Variants in TTLL5 observed in about 807,000 individuals in gnomAD.
The protein encoded by TTLL5 is tubulin tyrosine ligase like 5.
In TTLL5, 132 loss-of-function variants were observed where a neutral mutation model predicts 168.4. The ratio of observed to expected loss-of-function variants is 0.78; its 90% CI spans 0.68 to 0.91. The LOEUF (loss-of-function observed/expected upper bound fraction) is 0.91. TTLL5 is among the 40% of genes least tolerant of loss of function. The pLI is 0.00. For missense variants in TTLL5, 1,545 were observed against 1,581.5 expected, an observed-to-expected ratio of 0.98 and a Z score of 0.39; for synonymous variants, 546 against 558.6, an observed-to-expected ratio of 0.98 and a Z score of 0.32.
intron 5 of TTLL5, among the ~76,000 whole-genome samples, chr14:75,685,730 G>A (rs1884993826): frequency 1.3e-5 from 2 of 152,178 alleles, no homozygotes; most frequent in Admixed American, 1.3e-4. Flanking sequence ...GTGTATATTT[G>A]AGCACTTTCC....
chr14:75,885,058 C>A (rs1595205916), intron 30 of TTLL5, among the ~76,000 whole-genome samples: 1 of 151,538 alleles, frequency 6.6e-6, no homozygotes, highest in African/African-American at 2.4e-5. Flanking sequence ...CCGAGTGGTA[C>A]CAGCTACTCG....
intron 28 of TTLL5, chr14:75,847,809 T>G (rs1184052094): frequency 1.3e-5 from 2 of 152,064 alleles, no homozygotes; most frequent in East Asian, 3.8e-4. Flanking sequence ...ACACACAGAT[T>G]GCTGGGCCCA....
intron 27 of TTLL5, among the ~76,000 whole-genome samples, chr14:75,812,015 G>A (rs538435011): frequency 6.6e-6 from 1 of 152,216 alleles, no homozygotes; most frequent in Non-Finnish European, 1.5e-5. Flanking sequence ...TTAAACACCT[G>A]TCTAGATGGT....
intron 28 of TTLL5, among the ~76,000 whole-genome samples, chr14:75,839,933 T>C (rs933610895): frequency 6.6e-6 from 1 of 152,208 alleles, no homozygotes; most frequent in Non-Finnish European, 1.5e-5. Context: ...TTGTTGAGCT[T>C]TAGGAGTTCT....
chr14:75,830,552 T>C (rs1895502587), intron 28 of TTLL5, among the ~76,000 whole-genome samples: 1 of 152,228 alleles, frequency 6.6e-6, no homozygotes, highest in South Asian at 2.1e-4. Context: ...ACCATAAATA[T>C]ATACAGTTTT....
At chr14:75,663,644 T>C (rs1393606724) in intron 2 of TTLL5, among the ~76,000 whole-genome samples, 1 of 152,200 alleles carries the variant, frequency 6.6e-6, no homozygotes, top group Non-Finnish European at 1.5e-5. Flanking sequence ...ATGGTGGTAA[T>C]ATAGAGAGGT....
At chr14:75,715,801 A>G (rs61653720) in intron 9 of TTLL5, among the ~76,000 whole-genome samples, 1,960 of 149,396 alleles carry the variant, frequency 0.013, 41 homozygotes, top group African/African-American at 0.045. Flanking sequence ...GGAAGAAGAA[A>G]CATGATTTTT....
intron 26 of TTLL5, among the ~76,000 whole-genome samples, chr14:75,789,056 A>G (rs1022059066): frequency 3.3e-5 from 5 of 152,188 alleles, no homozygotes; most frequent in African/African-American, 4.8e-5. Flanking sequence ...CTCATTCATG[A>G]TGATAACTCT....
At chr14:75,930,398 G>A (rs1278245590) in intron 31 of TTLL5, among the ~76,000 whole-genome samples, 2 of 152,106 alleles carry the variant, frequency 1.3e-5, no homozygotes, top group Admixed American at 1.3e-4. Flanking sequence ...GAGTGCTAAC[G>A]TGACACTCAA....
At chr14:75,692,286 G>T (rs894466486) in intron 6 of TTLL5, among the ~76,000 whole-genome samples, 1 of 152,078 alleles carries the variant, frequency 6.6e-6, no homozygotes, top group Non-Finnish European at 1.5e-5. Flanking sequence ...GGCTATGTTT[G>T]TATTAGTAAT....
intron 3 of TTLL5, among the ~76,000 whole-genome samples, chr14:75,680,552 C>T (rs970598542): frequency 2.0e-5 from 3 of 151,926 alleles, no homozygotes; most frequent in African/African-American, 4.8e-5. Context: ...CAGTTTCTAA[C>T]CTCTGGTCTA....
intron 30 of TTLL5, among the ~76,000 whole-genome samples, chr14:75,897,909 GTTGTACCA>G (rs2032744641): frequency 3.3e-5 from 5 of 152,170 alleles, no homozygotes; most frequent in Admixed American, 3.3e-4. Flanking sequence ...CTCCTAGACA[GTTGTACCA>G]TTTCCAAGAA....
intron 21 of TTLL5, among the ~76,000 whole-genome samples, chr14:75,774,001 G>A (rs1413149022): frequency 7.5e-6 from 1 of 133,418 alleles, no homozygotes; most frequent in African/African-American, 2.8e-5. Flanking sequence ...GAGAGAGAGC[G>A]AGAGTACAAG....
At chr14:75,874,089 T>G (rs1387862444) in intron 29 of TTLL5, among the ~76,000 whole-genome samples, 2 of 152,048 alleles carry the variant, frequency 1.3e-5, no homozygotes, top group Non-Finnish European at 2.9e-5. Flanking sequence ...TATTTATTTA[T>G]TTATTTATTT....
At chr14:75,761,464 G>A (rs1179620368) in intron 18 of TTLL5, among the ~76,000 whole-genome samples, 1 of 152,192 alleles carries the variant, frequency 6.6e-6, no homozygotes, top group Admixed American at 6.5e-5. Context: ...CAACAACAGA[G>A]CAGATAACTG....
At chr14:75,749,635 A>T (rs1889828250) in intron 17 of TTLL5, among the ~76,000 whole-genome samples, 1 of 152,124 alleles carries the variant, frequency 6.6e-6, no homozygotes, top group East Asian at 1.9e-4. Flanking sequence ...TGCTCAGTGC[A>T]TCATTTTCTG....
intron 27 of TTLL5, among the ~76,000 whole-genome samples, chr14:75,813,271 TG>T (rs1268384557): frequency 8.9e-4 from 1 of 1,118 alleles, no homozygotes; most frequent in Non-Finnish European, 2.4e-3. Flanking sequence ...TGTGTGTGTT[TG>T]TGTGTGTGTG....
At chr14:75,718,314 A>G (rs1887603282) in intron 10 of TTLL5, among the ~76,000 whole-genome samples, 1 of 152,234 alleles carries the variant, frequency 6.6e-6, no homozygotes, top group East Asian at 1.9e-4. Context: ...TCAAAAGCTT[A>G]AAAAATGTCT....
intron 29 of TTLL5, among the ~76,000 whole-genome samples, chr14:75,877,654 C>T (rs1467720020): frequency 6.6e-6 from 1 of 152,212 alleles, no homozygotes; most frequent in Non-Finnish European, 1.5e-5. Flanking sequence ...GATGGTGCAG[C>T]TCCTATGCCT....
Sources: allele counts gnomAD v4.1 joint callset (sites outside exome capture counted in the v4.1 genomes callset), GRCh38; gene constraint gnomAD v4.1.1; transcripts MANE v1.5; gene names NCBI Gene and HGNC (gene_info 2026-07-23, HGNC 2026-07-21).